COG5: variants seen among roughly 807,000 people sequenced by gnomAD.
The protein encoded by COG5 is component of oligomeric golgi complex 5, also known as conserved oligomeric Golgi complex subunit 5.
COG5 carries 86 observed loss-of-function variants against 110.4 expected under a neutral mutation model. The ratio of observed to expected loss-of-function variants is 0.78; its 90% confidence interval spans 0.65 to 0.93. COG5 has a LOEUF of 0.93. Ranked by LOEUF, COG5 falls within the 40% of genes least tolerant of loss-of-function variation. The probability of loss-of-function intolerance (pLI) is 0.00; values close to 1 mark genes in which losing one functional copy is unlikely to be tolerated. For missense variants in COG5, 1,077 were observed against 987.0 expected, an observed-to-expected ratio of 1.09 and a Z score of -1.22; for synonymous variants, 360 against 334.6, an observed-to-expected ratio of 1.08 and a Z score of -0.83.
At position 107,508,315 on chromosome 7, in the gene COG5, A is replaced by G. The variant is rs573904239; in HGVS notation, c.538+18922T>C. Among the ~76,000 whole-genome samples, 654 of 152,356 alleles carry G rather than the reference A, an allele frequency of 4.3e-3. 3 individuals are homozygous for G. Among genetic ancestry groups the G allele is most frequent in the Middle Eastern group, 0.02 (6 of 294 alleles). ...GCAGTCTGAGATCAAACTGCAAGGC[A>G]GCAGCAAGGCTGGGGGAGGGGCGCC... On this transcript the variant is annotated intron_variant, in intron 6 of 21. Transcript: ENST00000297135.
At chr7:107,386,625 T>C (rs1269514417) in intron 7 of COG5, among the ~76,000 whole-genome samples, 2 of 152,132 alleles carry the variant, frequency 1.3e-5, no homozygotes, top group Admixed American at 1.3e-4. Context: ...AGAAACAGTA[T>C]ATAAAAGTAT....
intron 10 of COG5, among the ~76,000 whole-genome samples, chr7:107,333,416 C>T (rs1810440469): frequency 6.6e-6 from 1 of 152,098 alleles, no homozygotes; most frequent in African/African-American, 2.4e-5. Context: ...ACCCTATACA[C>T]ACACTACAGA....
intron 6 of COG5, among the ~76,000 whole-genome samples, chr7:107,499,363 T>C (rs1798490959): frequency 1.3e-5 from 2 of 152,018 alleles, no homozygotes; most frequent in Non-Finnish European, 2.9e-5. Flanking sequence ...GGTATTCCTA[T>C]TAACCTATCC....
chr7:107,530,601 C>CAA (rs953588412), intron 5 of COG5, among the ~76,000 whole-genome samples: 1,702 of 45,380 alleles, frequency 0.038, 68 homozygotes, highest in Non-Finnish European at 0.041. Flanking sequence ...AACTCCATCT[C>CAA]AAAAAAAAAA....
chr7:107,339,821 GAA>G lies in COG5; in HGVS notation c.1027-15302_1027-15301del, dbSNP rs531521137. 2.0e-3 allele frequency among the ~76,000 whole-genome samples: 303 copies of G among 151,978 alleles called. 2 individuals carry two copies. The highest frequency in any genetic ancestry group is 2.8e-3 in the Non-Finnish European group (193 of 67,852). On this transcript the variant is annotated intron_variant, in intron 10 of 21. Transcript: ENST00000297135. ...AATAAAAAAATTCTTTGAAAAAAAT[GAA>G]AAGAGATAACATACCGAAATCTCTG...
chr7:107,265,403 G>A (rs150833251), intron 14 of COG5, among the ~76,000 whole-genome samples: 3 of 151,992 alleles, frequency 2.0e-5, no homozygotes, highest in East Asian at 1.9e-4. Flanking sequence ...TCAGCTTCCC[G>A]AGTAGCTGGG....
intron 1 of COG5, among the ~76,000 whole-genome samples, chr7:107,561,308 T>C (rs973115647): frequency 6.6e-6 from 1 of 152,128 alleles, no homozygotes; most frequent in Non-Finnish European, 1.5e-5. Flanking sequence ...AAATCCCCGA[T>C]ATAGTGAATC....
At chr7:107,364,358 A>C (rs1156850955) in intron 8 of COG5, among the ~76,000 whole-genome samples, 2 of 152,198 alleles carry the variant, frequency 1.3e-5, no homozygotes, top group Admixed American at 1.3e-4. Flanking sequence ...ATGATCCCTG[A>C]TTGGTTTCAT....
intron 5 of COG5, 79 bp downstream of exon 5, chr7:107,548,032 A>G (rs983217431): frequency 1.6e-5 from 19 of 1,202,012 alleles, no homozygotes; most frequent in Non-Finnish European, 2.2e-5. Flanking sequence ...ACTTCTTCCA[A>G]ACTCATACTC....
At chr7:107,541,624 A>C (rs1802046812) in intron 5 of COG5, among the ~76,000 whole-genome samples, 1 of 150,078 alleles carries the variant, frequency 6.7e-6, no homozygotes, top group African/African-American at 2.4e-5. Context: ...AAAAAGACAC[A>C]AATATAAACT....
In COG5 at chr7:107,463,714, G is replaced by A. The variant is rs568108148; in HGVS notation, c.539-51082C>T. On this transcript the variant is annotated intron_variant, in intron 6 of 21. Coordinates refer to ENST00000297135, the MANE Select transcript of COG5 (RefSeq NM_006348.5). ...AAGGGACTACAGCCATAGCTGCCAG[G>A]AGACTACATTATTTCCTAACCAGGA... Among the ~76,000 whole-genome samples the A allele has an allele frequency of 4.6e-5, 7 of 152,250 alleles. No homozygotes were observed. In the East Asian group the frequency reaches 1.4e-3, roughly 29 times the overall value.
At chr7:107,257,913 T>C (rs1055108023) in intron 15 of COG5, among the ~76,000 whole-genome samples, 1 of 152,198 alleles carries the variant, frequency 6.6e-6, no homozygotes, top group African/African-American at 2.4e-5. Context: ...GGCTTCAGCA[T>C]TCTTATTCTG....
chr7:107,348,489 T>G (rs577034912), intron 10 of COG5, among the ~76,000 whole-genome samples: 1 of 152,336 alleles, frequency 6.6e-6, no homozygotes, highest in Non-Finnish European at 1.5e-5. Flanking sequence ...GGACTGTGGA[T>G]GGCTTCTAAT....
At chr7:107,249,140 A>G (rs1010656798) in intron 16 of COG5, among the ~76,000 whole-genome samples, 1 of 152,184 alleles carries the variant, frequency 6.6e-6, no homozygotes, top group Non-Finnish European at 1.5e-5. Context: ...AATAGGGCAC[A>G]ACAGTTGCGC....
intron 17 of COG5, among the ~76,000 whole-genome samples, chr7:107,237,964 A>T (rs994227294): frequency 2.0e-5 from 3 of 152,182 alleles, no homozygotes; most frequent in African/African-American, 7.2e-5. Context: ...AAATGGTGCC[A>T]ATCTATTTCA....
intron 6 of COG5, among the ~76,000 whole-genome samples, chr7:107,421,464 C>A (rs532476654): frequency 6.6e-6 from 1 of 152,220 alleles, no homozygotes; most frequent in South Asian, 2.1e-4. Flanking sequence ...ACAAAACAAA[C>A]CTTATAAATG....
chr7:107,343,784 A>T (rs1811366407), intron 10 of COG5, among the ~76,000 whole-genome samples: 1 of 152,188 alleles, frequency 6.6e-6, no homozygotes, highest in African/African-American at 2.4e-5. Flanking sequence ...GCATGCATGA[A>T]AACAACATTA....
chr7:107,294,907 G>C (rs1335604856), intron 12 of COG5, among the ~76,000 whole-genome samples: 1 of 83,776 alleles, frequency 1.2e-5, no homozygotes, highest in Admixed American at 1.3e-4. Flanking sequence ...GTGTGTGTGT[G>C]TGTGTGTGTG....
At chr7:107,241,178 A>G (rs1801588961) in intron 17 of COG5, among the ~76,000 whole-genome samples, 1 of 152,162 alleles carries the variant, frequency 6.6e-6, no homozygotes, top group South Asian at 2.1e-4. Flanking sequence ...GTATGTGACC[A>G]CTGTTATTAT....
Sources: gnomAD v4.1 joint callset for allele counts (sites outside exome capture counted in the v4.1 genomes callset) on GRCh38, gnomAD v4.1.1 for gene constraint, MANE v1.5 for transcripts, NCBI Gene and HGNC (gene_info 2026-07-23, HGNC 2026-07-21) for gene names.